The following EPHA5 variants were observed in gnomAD, a reference collection of about 807,000 sequenced individuals.
The protein encoded by EPHA5 is ephrin type-A receptor 5.
Under a neutral mutation model 105.0 loss-of-function variants are expected in EPHA5, and 60 were observed. The observed-to-expected ratio is 0.57, with a 90% CI of 0.46 to 0.71. EPHA5 has a LOEUF of 0.71. EPHA5 is among the 30% of genes least tolerant of loss of function. The probability of loss-of-function intolerance (pLI) is 0.00; values close to 1 mark genes in which losing one functional copy is unlikely to be tolerated. For missense variants in EPHA5, 1,218 were observed against 1,274.7 expected (o/e 0.96, Z 0.68); for synonymous variants, 513 against 449.1 (o/e 1.14, Z -1.80).
intron 3 of EPHA5, among the ~76,000 whole-genome samples, chr4:65,591,106 G>C (rs959971666): frequency 6.6e-6 from 1 of 151,836 alleles, no homozygotes; most frequent in Non-Finnish European, 1.5e-5. Context: ...TTTTTATTAA[G>C]GTGATGAAAC....
At chr4:65,349,237 G>A (rs1722587673) in intron 13 of EPHA5, among the ~76,000 whole-genome samples, 1 of 152,052 alleles carries the variant, frequency 6.6e-6, no homozygotes, top group African/African-American at 2.4e-5. Context: ...AACTGTTTAA[G>A]AGGAGGGTGT....
intron 3 of EPHA5, among the ~76,000 whole-genome samples, chr4:65,530,491 G>A (rs945605542): frequency 3.3e-5 from 5 of 151,890 alleles, no homozygotes; most frequent in Admixed American, 1.3e-4. Context: ...GGAATAATAT[G>A]GTCAACAGAG....
At chr4:65,590,572 G>A (rs1742537061) in intron 3 of EPHA5, among the ~76,000 whole-genome samples, 1 of 152,134 alleles carries the variant, frequency 6.6e-6, no homozygotes, top group South Asian at 2.1e-4. Context: ...CTAGACTAAA[G>A]TATGAGTTAA....
chr4:65,385,748 T>G (rs1412641167), intron 8 of EPHA5, among the ~76,000 whole-genome samples: 1 of 151,866 alleles, frequency 6.6e-6, no homozygotes, highest in Non-Finnish European at 1.5e-5. Flanking sequence ...GTGATTATAT[T>G]CACAAAAATG....
chr4:65,508,792 T>A (rs768602132), intron 3 of EPHA5, among the ~76,000 whole-genome samples: 2 of 152,048 alleles, frequency 1.3e-5, no homozygotes, highest in African/African-American at 4.8e-5. Flanking sequence ...GTTTTCACAC[T>A]GTAATTTGAC....
At chr4:65,477,966 A>T (rs1223551951) in intron 5 of EPHA5, among the ~76,000 whole-genome samples, 1 of 152,176 alleles carries the variant, frequency 6.6e-6, no homozygotes, top group Non-Finnish European at 1.5e-5. Context: ...GTCATTGAAC[A>T]AAATATGAAT....
In EPHA5 at chr4:65,669,760, C is replaced by T. The variant is rs2149572631; in HGVS notation, c.-18G>A. Reference sequence around the variant, plus strand: ...CCCCGCATCTTCTCCGAGCCTCCTCCGGTGCCGCTGTCCCGAGCGGCTCAG... The same window carrying T: ...CCCCGCATCTTCTCCGAGCCTCCTCTGGTGCCGCTGTCCCGAGCGGCTCAG... On this transcript the variant is annotated 5_prime_UTR_variant, in exon 1 of 17. Transcript: ENST00000613740. The T allele has an allele frequency of 8.0e-7, 1 of 1,252,082 alleles. No homozygotes were observed. The highest frequency in any genetic ancestry group is 1.0e-6 in the Non-Finnish European group (1 of 997,978). 77.6% of individuals were successfully genotyped at this position (1,252,082 alleles called of 1,614,324 possible). A position where few individuals can be genotyped will look rare whatever the true frequency, so the allele number is the denominator to read the frequency against.
intron 1 of EPHA5, among the ~76,000 whole-genome samples, chr4:65,646,279 C>T (rs1304790634): frequency 6.6e-6 from 1 of 152,006 alleles, no homozygotes; most frequent in African/African-American, 2.4e-5. Flanking sequence ...ATAAGAACAC[C>T]ATGTTTGACT....
At position 65,510,997 on chromosome 4, in the gene EPHA5, C is replaced by G. The variant is rs532598940; in HGVS notation, c.911-15454G>C. ...AATCAATCAATCAATCTCTCTCTCTCTGTCTCTCCACCTGTATCACTGAAG... is the reference window on the plus strand; with the variant it reads ...AATCAATCAATCAATCTCTCTCTCTGTGTCTCTCCACCTGTATCACTGAAG... On this transcript the variant is annotated intron_variant, in intron 3 of 16. Coordinates refer to ENST00000613740, the MANE Select transcript of EPHA5 (RefSeq NM_001281766.3). 5.3e-5 allele frequency among the ~76,000 whole-genome samples: 8 copies of G among 152,276 alleles called. No individual in the cohort carries two copies. In the South Asian group the frequency reaches 1.7e-3, roughly 32 times the overall value.
At chr4:65,364,004 C>T (rs976605953) in intron 11 of EPHA5, among the ~76,000 whole-genome samples, 3 of 151,358 alleles carry the variant, frequency 2.0e-5, no homozygotes, top group Non-Finnish European at 4.4e-5. Context: ...TGCCTCTTGC[C>T]TTTCTTTAGC....
At chr4:65,356,611 T>C (rs1723320899) in intron 11 of EPHA5, among the ~76,000 whole-genome samples, 1 of 151,514 alleles carries the variant, frequency 6.6e-6, no homozygotes, top group Non-Finnish European at 1.5e-5. Context: ...GCAAAAACAT[T>C]ATTTGAGAAA....
At chr4:65,464,352 AAAG>A (rs966019276) in intron 5 of EPHA5, among the ~76,000 whole-genome samples, 19 of 152,058 alleles carry the variant, frequency 1.2e-4, no homozygotes, top group African/African-American at 4.6e-4. Context: ...AAAACAACAA[AAAG>A]AAGAAGATAT....
chr4:65,419,385 C>A (rs1440891046), intron 6 of EPHA5, among the ~76,000 whole-genome samples: 17 of 152,012 alleles, frequency 1.1e-4, no homozygotes, highest in African/African-American at 3.9e-4. Flanking sequence ...TTTTACTCTT[C>A]CAGAAAAAAC....
intron 5 of EPHA5, among the ~76,000 whole-genome samples, chr4:65,476,988 T>C (rs1268570253): frequency 1.3e-5 from 2 of 152,316 alleles, no homozygotes; most frequent in Non-Finnish European, 2.9e-5. Flanking sequence ...CTACCAGACA[T>C]TGAAATTATA....
At chr4:65,399,032 T>A (rs1175028675) in intron 8 of EPHA5, among the ~76,000 whole-genome samples, 2 of 152,152 alleles carry the variant, frequency 1.3e-5, no homozygotes, top group African/African-American at 2.4e-5. Context: ...ACCATATTGC[T>A]GGCAATGAGA....
Position 65,521,896 on chromosome 4 carries a change from C to T in EPHA5, c.911-26353G>A, listed in dbSNP as rs150099527. On this transcript the variant is annotated intron_variant, in intron 3 of 16. Coordinates refer to ENST00000613740, the MANE Select transcript of EPHA5 (RefSeq NM_001281766.3). ...GCAAGTTCAGCAGCAGCTGTTCGGC[C>T]CACTGTCTGTGCTTCTCAGATTTAG... Among the ~76,000 whole-genome samples, 338 of 152,052 alleles carry T rather than the reference C, an allele frequency of 2.2e-3. 2 individuals are homozygous for T. Among genetic ancestry groups the T allele is most frequent in the African/African-American group, 7.8e-3 (322 of 41,490 alleles).
In EPHA5 at chr4:65,602,054, A is replaced by T. The variant is rs2149440203; in HGVS notation, c.497T>A (p.Ile166Asn). The change falls in exon 3 of 17, where the codon ATC (isoleucine) becomes AAC (asparagine). Residue 166 changes from isoleucine (I) to asparagine (N), a missense_variant. Ile to Asn is a moderately radical substitution (Grantham distance 149). Coordinates refer to ENST00000613740, the MANE Select transcript of EPHA5 (RefSeq NM_001281766.3). ...FESDDQNGRNIKENQYIKIDT... is the reference protein window; with the variant it reads ...FESDDQNGRNNKENQYIKIDT... ...AATTTTGATGTATTGGTTTTCCTTG[A>T]TGTTTCTCCCATTCTGATCATCTGA... The T allele has an allele frequency of 1.2e-6, 2 of 1,614,080 alleles. No homozygotes were observed. The highest frequency in any genetic ancestry group is 2.2e-5 in the South Asian group (2 of 91,078).
chr4:65,509,896 A>T (rs1733431064), intron 3 of EPHA5, among the ~76,000 whole-genome samples: 1 of 152,158 alleles, frequency 6.6e-6, no homozygotes, highest in African/African-American at 2.4e-5. Context: ...CTAAATTCTT[A>T]AAAGCACTAA....
chr4:65,608,708 A>G (rs1237518577), intron 2 of EPHA5, among the ~76,000 whole-genome samples: 2 of 152,152 alleles, frequency 1.3e-5, no homozygotes, highest in African/African-American at 4.8e-5. Flanking sequence ...TTAAATATAT[A>G]GATCAATTTT....
Sources: allele counts gnomAD v4.1 joint callset (sites outside exome capture counted in the v4.1 genomes callset), GRCh38; gene constraint gnomAD v4.1.1; transcripts MANE v1.5; gene names NCBI Gene and HGNC (gene_info 2026-07-23, HGNC 2026-07-21).